The following SUCLG2 variants were observed in gnomAD, a reference collection of about 807,000 sequenced individuals.
SUCLG2 encodes succinate--CoA ligase [GDP-forming] subunit beta, mitochondrial.
Under a neutral mutation model 47.9 loss-of-function variants are expected in SUCLG2, and 42 were observed. The observed-to-expected ratio is 0.88, with a 90% confidence interval of 0.69 to 1.14. The LOEUF (loss-of-function observed/expected upper bound fraction) is 1.14. Ranked by LOEUF, SUCLG2 falls within the 50% of genes most tolerant of loss-of-function variation. SUCLG2 has a pLI of 0.00. For missense variants in SUCLG2, 571 were observed against 525.9 expected, an observed-to-expected ratio of 1.09 and a Z score of -0.84; for synonymous variants, 195 against 197.3, an observed-to-expected ratio of 0.99 and a Z score of 0.10.
downstream of SUCLG2, among the ~76,000 whole-genome samples, chr3:67,372,006 G>C (rs1038113735): frequency 3.9e-5 from 6 of 152,158 alleles, no homozygotes; most frequent in East Asian, 1.2e-3. Flanking sequence ...GAGCCTCTCT[G>C]AAGTGAAAGT....
In SUCLG2 at chr3:67,483,820, C is replaced by T. The variant is rs150404627; in HGVS notation, c.1062+11978G>A. Among the ~76,000 whole-genome samples, 686 of 152,310 alleles carry T rather than the reference C, an allele frequency of 4.5e-3. 11 individuals are homozygous for T. The East Asian group carries it at 0.059, about 13-fold the overall frequency. The stretch of plus-strand genomic sequence containing the variant: ...ATGCTGGAGAACACCCCCCTACCTA[C>T]TCAAGTCATTCTTGCTGTGGAATGA... On this transcript the variant is annotated intron_variant, in intron 9 of 10. Coordinates refer to ENST00000307227, the MANE Select transcript of SUCLG2 (RefSeq NM_003848.4).
At chr3:67,548,770 CT>C in intron 2 of SUCLG2, among the ~76,000 whole-genome samples, 1 of 152,252 alleles carries the variant, frequency 6.6e-6, no homozygotes, top group Middle Eastern at 3.4e-3. Context: ...TTCCTAAATA[CT>C]TACTGAGACT....
At chr3:67,504,325 A>C (rs968786854) in intron 7 of SUCLG2, among the ~76,000 whole-genome samples, 1 of 152,178 alleles carries the variant, frequency 6.6e-6, no homozygotes, top group Admixed American at 6.5e-5. Context: ...ACAGAAACAG[A>C]GAAACACCCA....
At position 67,378,105 on chromosome 3, in the gene SUCLG2, T is replaced by A. The variant is rs117916761; in HGVS notation, c.1184-2246A>T. Among the ~76,000 whole-genome samples the A allele has an allele frequency of 1.5e-4, 23 of 152,358 alleles. No individual in the cohort carries two copies. The East Asian group carries it at 4.0e-3, about 27-fold the overall frequency. On this transcript the variant is annotated intron_variant, in intron 10 of 10. Transcript: ENST00000307227. Reference sequence around the variant, plus strand: ...TAAGACTCTGAAATTTCTGCATTTTTCTGTTGTTACAGGAGCTAGCATTAT... The same window carrying A: ...TAAGACTCTGAAATTTCTGCATTTTACTGTTGTTACAGGAGCTAGCATTAT...
chr3:67,591,925 A>T (rs534316590), intron 2 of SUCLG2, among the ~76,000 whole-genome samples: 2 of 152,338 alleles, frequency 1.3e-5, no homozygotes, highest in African/African-American at 4.8e-5. Context: ...CTACAAATCA[A>T]ATAAATGCAG....
intron 8 of SUCLG2, 94 bp downstream of exon 8, chr3:67,498,040 T>A: frequency 7.5e-7 from 1 of 1,328,186 alleles, no homozygotes; most frequent in South Asian, 1.5e-5. Context: ...ACTTATGTGC[T>A]TACTTCTTCT....
intron 1 of SUCLG2, among the ~76,000 whole-genome samples, chr3:67,646,318 CG>C (rs1241754272): frequency 6.6e-6 from 1 of 152,068 alleles, no homozygotes; most frequent in African/African-American, 2.4e-5. Context: ...AAAGTTTGGC[CG>C]GGCACGGTGG....
chr3:67,595,525 G>A (rs961262999), intron 2 of SUCLG2, among the ~76,000 whole-genome samples: 1 of 152,088 alleles, frequency 6.6e-6, no homozygotes, highest in African/African-American at 2.4e-5. Context: ...TGAAGAGATG[G>A]CTCTGCGTCC....
chr3:67,520,660 T>A, intron 4 of SUCLG2, 26 bp from the exon 5 acceptor site: 1 of 1,590,920 alleles, frequency 6.3e-7, no homozygotes. Context: ...GAAAGTCAAA[T>A]TAATTCAGCA....
chr3:67,507,338 C>A (rs935273718), intron 7 of SUCLG2, among the ~76,000 whole-genome samples: 2 of 152,000 alleles, frequency 1.3e-5, no homozygotes, highest in Non-Finnish European at 1.5e-5. Flanking sequence ...TTTGCTTGTT[C>A]TCGTCTGAAA....
intron 7 of SUCLG2, 130 bp from the exon 8 acceptor site, chr3:67,498,425 A>G: frequency 9.9e-7 from 1 of 1,013,700 alleles, no homozygotes; most frequent in Non-Finnish European, 1.4e-6. Context: ...TACAGGCAGG[A>G]GAGGCTGCTT....
At chr3:67,431,311 A>G (rs1237234576) in intron 9 of SUCLG2, among the ~76,000 whole-genome samples, 1 of 152,236 alleles carries the variant, frequency 6.6e-6, no homozygotes, top group East Asian at 1.9e-4. Flanking sequence ...ATGCAAATCA[A>G]TAAATGTAAT....
intron 10 of SUCLG2, among the ~76,000 whole-genome samples, chr3:67,396,839 T>C (rs905580282): frequency 6.6e-6 from 1 of 152,244 alleles, no homozygotes; most frequent in Non-Finnish European, 1.5e-5. Flanking sequence ...CAAGTGGTCT[T>C]CATCACTGGG....
intron 2 of SUCLG2, among the ~76,000 whole-genome samples, chr3:67,607,567 A>ACTTTC (rs2107309173): frequency 6.6e-6 from 1 of 152,262 alleles, no homozygotes; most frequent in Non-Finnish European, 1.5e-5. Flanking sequence ...GCTCACTGAA[A>ACTTTC]GGCAGACAGC....
chr3:67,534,071 CAAGTAT>C (rs1265240595), intron 2 of SUCLG2, among the ~76,000 whole-genome samples: 2 of 152,038 alleles, frequency 1.3e-5, no homozygotes, highest in African/African-American at 2.4e-5. Context: ...CAGCCACTTT[CAAGTAT>C]AAGTACAAGA....
At chr3:67,465,715 T>C (rs9839894) in intron 9 of SUCLG2, among the ~76,000 whole-genome samples, 15,303 of 152,190 alleles carry the variant, frequency 0.1, 991 homozygotes, top group East Asian at 0.25. Flanking sequence ...GGCTGCTTTC[T>C]CATTTTCTTT....
chr3:67,482,101 A>G (rs558215379), intron 9 of SUCLG2, among the ~76,000 whole-genome samples: 20 of 152,232 alleles, frequency 1.3e-4, no homozygotes, highest in African/African-American at 3.9e-4. Context: ...AATCCCTCGA[A>G]CCTGGGAGGT....
chr3:67,361,491 G>T (rs1411684412), intron 10 of SUCLG2, among the ~76,000 whole-genome samples: 3 of 152,166 alleles, frequency 2.0e-5, no homozygotes, highest in Non-Finnish European at 4.4e-5. Flanking sequence ...AAAGGAAACT[G>T]ATGCTACTGG....
At chr3:67,488,538 T>TG (rs1262713536) in intron 9 of SUCLG2, among the ~76,000 whole-genome samples, 1 of 152,202 alleles carries the variant, frequency 6.6e-6, no homozygotes, top group Non-Finnish European at 1.5e-5. Flanking sequence ...CCACATCTAA[T>TG]GATGCCTTTA....
Sources: gnomAD v4.1 joint callset for allele counts (sites outside exome capture counted in the v4.1 genomes callset) on GRCh38, gnomAD v4.1.1 for gene constraint, MANE v1.5 for transcripts, NCBI Gene and HGNC (gene_info 2026-07-23, HGNC 2026-07-21) for gene names.